Variants in STON2 observed in about 807,000 individuals in gnomAD.
STON2 encodes stonin 2.
STON2 carries 29 observed loss-of-function variants against 65.7 expected under a neutral mutation model. That is an observed-to-expected ratio of 0.44 (90% CI 0.33 to 0.60). The LOEUF is 0.60. Ranked by LOEUF, STON2 falls within the 20% of genes least tolerant of loss-of-function variation. STON2 has a pLI of 0.03. For missense variants in STON2, 1,054 were observed against 1,118.1 expected (o/e 0.94, Z 0.82); for synonymous variants, 404 against 414.2 (o/e 0.98, Z 0.30).
At chr14:81,427,716 A>G (rs1902049295) in intron 1 of STON2, among the ~76,000 whole-genome samples, 1 of 145,322 alleles carries the variant, frequency 6.9e-6, no homozygotes, top group Non-Finnish European at 1.5e-5. Flanking sequence ...ATGAGATGGG[A>G]AAAAAAAAAA....
intron 7 of STON2, chr14:81,269,353 T>C (rs1267983398): frequency 9.1e-6 from 9 of 985,304 alleles, no homozygotes; most frequent in Non-Finnish European, 1.1e-5. Flanking sequence ...TGATAAATAC[T>C]GGAATGTTTA....
intron 4 of STON2, among the ~76,000 whole-genome samples, chr14:81,346,456 A>G (rs757569140): frequency 9.9e-5 from 15 of 152,206 alleles, no homozygotes; most frequent in Non-Finnish European, 1.9e-4. Flanking sequence ...TAGCTTGGAC[A>G]TTAGGACACA....
intron 5 of STON2, among the ~76,000 whole-genome samples, chr14:81,283,771 C>T (rs1042344566): frequency 1.6e-4 from 24 of 152,064 alleles, no homozygotes; most frequent in African/African-American, 5.8e-4. Context: ...CCTCATGATC[C>T]GCCCGCCTCG....
chr14:81,393,568 G>A (rs578006035), intron 3 of STON2, among the ~76,000 whole-genome samples: 12 of 152,306 alleles, frequency 7.9e-5, no homozygotes, highest in Non-Finnish European at 1.5e-4. Context: ...CCCACTTCTG[G>A]CTGAGTCTCC....
In STON2 at chr14:81,387,786, G is replaced by A. The variant is rs941876315; in HGVS notation, c.373+8108C>T. On this transcript the variant is annotated intron_variant, in intron 3 of 7. Coordinates refer to ENST00000614646, the MANE Select transcript of STON2 (RefSeq NM_001394390.1). Reference sequence around the variant, plus strand: ...GGGTGCCTGTAGTCCCAGTAACTCAGGACGCTGAGGCAGGAGAATCACTTC... The same window carrying A: ...GGGTGCCTGTAGTCCCAGTAACTCAAGACGCTGAGGCAGGAGAATCACTTC... 3.3e-5 allele frequency among the ~76,000 whole-genome samples: 5 copies of A among 151,148 alleles called. No homozygotes were observed. The East Asian group carries it at 8.1e-4, about 24-fold the overall frequency.
intron 2 of STON2, among the ~76,000 whole-genome samples, chr14:81,415,608 G>A (rs982758280): frequency 2.2e-4 from 32 of 147,824 alleles, no homozygotes; most frequent in African/African-American, 8.1e-4. Flanking sequence ...AGGCAGAGGT[G>A]GCAGTGAGCC....
chr14:81,430,625 A>G (rs929086334), intron 1 of STON2, among the ~76,000 whole-genome samples: 2 of 152,162 alleles, frequency 1.3e-5, no homozygotes, highest in African/African-American at 4.8e-5. Flanking sequence ...ACTATTATGT[A>G]TCTATAGAAT....
intron 5 of STON2, among the ~76,000 whole-genome samples, chr14:81,304,175 T>C (rs1053992036): frequency 1.3e-5 from 2 of 152,198 alleles, no homozygotes; most frequent in African/African-American, 4.8e-5. Flanking sequence ...TAAAACCTCC[T>C]TGAGACCAGG....
intron 3 of STON2, among the ~76,000 whole-genome samples, chr14:81,382,451 G>T (rs1266961952): frequency 3.3e-5 from 5 of 152,018 alleles, no homozygotes. Flanking sequence ...TCAAAACCAG[G>T]CTAAATTATC....
intron 5 of STON2, among the ~76,000 whole-genome samples, chr14:81,291,231 ATATGAAAGTCCGTACTTCAGG>A (rs531471603): frequency 0.011 from 1,749 of 152,296 alleles, 15 homozygotes; most frequent in Non-Finnish European, 0.018. Context: ...ACTACAAGGG[ATATGAAAGTCCGTACTTCAGG>A]TATGAAGTAC....
At chr14:81,322,451 C>T (rs1896854664) in intron 5 of STON2, among the ~76,000 whole-genome samples, 2 of 152,114 alleles carry the variant, frequency 1.3e-5, no homozygotes, top group Admixed American at 6.5e-5. Context: ...ACTTGGCCTC[C>T]AAATAAGTGG....
chr14:81,265,927 T>A lies in STON2; in HGVS notation c.*2487A>T. On this transcript the variant is annotated 3_prime_UTR_variant, in exon 8 of 8. Coordinates refer to ENST00000614646, the MANE Select transcript of STON2 (RefSeq NM_001394390.1). The stretch of plus-strand genomic sequence containing the variant: ...AAGGAAGGTGCTGGGATGAGCTTCA[T>A]TTCCCTTGCCAACTCTCCAATCCAT... 1.0e-6 allele frequency: 1 copy of A among 985,346 alleles called. No homozygotes were observed. The highest frequency in any genetic ancestry group is 1.2e-6 in the Non-Finnish European group (1 of 829,922). The allele number at this position is 985,346 out of a possible 1,614,324, so 61.0% of individuals were successfully genotyped here.
intron 4 of STON2, among the ~76,000 whole-genome samples, chr14:81,356,144 T>C (rs1898220008): frequency 6.6e-6 from 1 of 152,220 alleles, no homozygotes; most frequent in African/African-American, 2.4e-5. Context: ...GCCTGTGGGT[T>C]TGTCATAGAT....
rs887873382 is a variant in STON2, at chr14:81,266,201, G to A, written c.*2213C>T. On this transcript the variant is annotated 3_prime_UTR_variant, in exon 8 of 8. Coordinates refer to ENST00000614646, the MANE Select transcript of STON2 (RefSeq NM_001394390.1). ...AATGTAAGATTCCCTTTCACAGCACGTGGGATAGGTGGTTATTTTAACTGT... is the reference window on the plus strand; with the variant it reads ...AATGTAAGATTCCCTTTCACAGCACATGGGATAGGTGGTTATTTTAACTGT... The A allele has an allele frequency of 5.3e-5, 33 of 617,352 alleles. No individual in the cohort carries two copies. Among genetic ancestry groups the A allele is most frequent in the African/African-American group, 3.0e-4 (15 of 50,062 alleles). The allele number at this position is 617,352 out of a possible 1,614,324, so 38.2% of individuals were successfully genotyped here.
intron 5 of STON2, among the ~76,000 whole-genome samples, chr14:81,317,295 A>C (rs1896661107): frequency 6.6e-6 from 1 of 152,190 alleles, no homozygotes; most frequent in Non-Finnish European, 1.5e-5. Context: ...ATCTGCCCCC[A>C]GGACCCAAAC....
intron 6 of STON2, among the ~76,000 whole-genome samples, chr14:81,274,738 C>T (rs1387631998): frequency 3.3e-5 from 5 of 151,908 alleles, no homozygotes; most frequent in Non-Finnish European, 7.4e-5. Flanking sequence ...GAGTTTGAGA[C>T]CAGTCTGGCC....
chr14:81,369,559 C>A lies in STON2; in HGVS notation c.571+1429G>T, dbSNP rs3853417. On this transcript the variant is annotated intron_variant, in intron 4 of 7. Transcript: ENST00000614646. ...GCAGGAAAGAGAACTTGTTTCAACC[C>A]TGATGGCCACTTATTCTGTGTCAAG... Among the ~76,000 whole-genome samples, 433 of 152,124 alleles carry A rather than the reference C, an allele frequency of 2.8e-3. 6 individuals carry two copies. The highest frequency in any genetic ancestry group is 9.8e-3 in the African/African-American group (408 of 41,500).
At chr14:81,417,270 C>T (rs1901482567) in intron 2 of STON2, among the ~76,000 whole-genome samples, 1 of 152,064 alleles carries the variant, frequency 6.6e-6, no homozygotes, top group Non-Finnish European at 1.5e-5. Flanking sequence ...TAGAGCTATT[C>T]ACCGCCCCGC....
intron 3 of STON2, among the ~76,000 whole-genome samples, chr14:81,376,477 C>T (rs1899257819): frequency 6.6e-6 from 1 of 152,054 alleles, no homozygotes; most frequent in South Asian, 2.1e-4. Flanking sequence ...TGAACCAAGA[C>T]TTAAAACCTT....
Sources: gnomAD v4.1 joint callset for allele counts (sites outside exome capture counted in the v4.1 genomes callset) on GRCh38, gnomAD v4.1.1 for gene constraint, MANE v1.5 for transcripts, NCBI Gene and HGNC (gene_info 2026-07-23, HGNC 2026-07-21) for gene names.